Variants in ECM1 observed in about 807,000 individuals in gnomAD.
ECM1 encodes secretory component p85.
In ECM1, 54 loss-of-function variants were observed where a neutral mutation model predicts 57.9. The ratio of observed to expected loss-of-function variants is 0.93; its 90% CI spans 0.75 to 1.17. The LOEUF is 1.17. ECM1 is among the 50% of genes most tolerant of loss of function. The probability of loss-of-function intolerance (pLI) is 0.00; values close to 1 mark genes in which losing one functional copy is unlikely to be tolerated. For missense variants in ECM1, 649 were observed against 688.1 expected (o/e 0.94, Z 0.64); for synonymous variants, 237 against 259.1 (o/e 0.91, Z 0.82).
intron 1 of ECM1, 113 bp downstream of exon 1, chr1:150,508,392 C>T: frequency 1.8e-6 from 2 of 1,118,044 alleles, no homozygotes; most frequent in African/African-American, 1.5e-5. Flanking sequence ...TTTGGCTTTC[C>T]TTTTCTGAGC....
chr1:150,509,561 G>A lies in ECM1; in HGVS notation c.101G>A (p.Arg34Lys). The A allele has an allele frequency of 6.2e-7, 1 of 1,614,168 alleles. No homozygotes were observed. The highest frequency in any genetic ancestry group is 8.5e-7 in the Non-Finnish European group (1 of 1,180,024). Residue 34 changes from arginine to lysine, a missense_variant, in exon 2 of 10, where the codon AGG becomes AAG. Arg to Lys is a conservative substitution (Grantham distance 26, BLOSUM62 2). Transcript: ENST00000369047. ...GFTATGQRQLRPEHFQEVGYA... is the reference protein window; with the variant it reads ...GFTATGQRQLKPEHFQEVGYA... Reference sequence around the variant, plus strand: ...ACGGCTACAGGACAGAGGCAGCTGAGGCCAGAGCACTTTCAAGAAGGTAAG... The same window carrying A: ...ACGGCTACAGGACAGAGGCAGCTGAAGCCAGAGCACTTTCAAGAAGGTAAG...
rs867426247 is a variant in ECM1 at position 150,513,289 on chromosome 1, ACCCTG to A, written c.1450_1454del (p.Ala484LeufsTer9). 3.1e-6 allele frequency: 5 copies of A among 1,613,984 alleles called. No homozygotes were observed. Among genetic ancestry groups the A allele is most frequent in the Non-Finnish European group, 4.2e-6 (5 of 1,180,022 alleles). On this transcript the variant is annotated frameshift_variant, in exon 10 of 10. Transcript: ENST00000369047. LOFTEE classifies it high-confidence loss of function. ...GGTCCCCGACGTAACATCTGGCGAGACCCTGCCCTCTGCTGTTACCTGAGTCCTGG... is the reference window on the plus strand; with the variant it reads ...GGTCCCCGACGTAACATCTGGCGAGACCCTCTGCTGTTACCTGAGTCCTGG...
intron 1 of ECM1, among the ~76,000 whole-genome samples, chr1:150,508,838 A>G (rs1392839457): frequency 2.0e-5 from 3 of 152,092 alleles, no homozygotes; most frequent in African/African-American, 4.8e-5. Context: ...CACCCAGGGC[A>G]CTCCTGCAGG....
chr1:150,510,846 C>G lies in ECM1; in HGVS notation c.386-30C>G, dbSNP rs1003372230. On this transcript the variant is annotated intron_variant, in intron 5 of 9. Transcript: ENST00000369047. ...AGCCTTTGTGGGTTCCTTCACATGT[C>G]CCCGCTTCCCACTGTTTTCCCCATT... The G allele has an allele frequency of 1.9e-6, 3 of 1,611,144 alleles. No individual in the cohort carries two copies. In the African/African-American group the frequency reaches 4.0e-5, roughly 22 times the overall value.
intron 8 of ECM1, 51 bp from the exon 9 acceptor site, chr1:150,512,674 G>A (rs376946153): frequency 3.7e-6 from 6 of 1,610,636 alleles, no homozygotes; most frequent in Admixed American, 1.7e-5. Flanking sequence ...CCCATCTGAT[G>A]CCAGAAGATG....
intron 9 of ECM1, 136 bp from the exon 10 acceptor site, chr1:150,513,101 C>T: frequency 2.1e-6 from 2 of 957,142 alleles, no homozygotes; most frequent in East Asian, 5.1e-5. Flanking sequence ...CTTGTACTCT[C>T]TCTGGGCCCC....
intron 1 of ECM1, chr1:150,509,304 AG>A: frequency 1.6e-6 from 1 of 616,036 alleles, no homozygotes; most frequent in Non-Finnish European, 2.9e-6. Flanking sequence ...GAGCCAGTAG[AG>A]GTGGAGCTAT....
chr1:150,512,627 G>C, intron 8 of ECM1, 55 bp downstream of exon 8: 1 of 1,612,892 alleles, frequency 6.2e-7, no homozygotes, highest in Non-Finnish European at 8.5e-7. Flanking sequence ...TTCCTTTTGG[G>C]ACACCTTTGG....
Position 150,513,114 on chromosome 1 carries a change from G to C in ECM1, c.1393-123G>C, listed in dbSNP as rs587649596. The C allele has an allele frequency of 1.9e-5, 20 of 1,038,714 alleles. No homozygotes were observed. The African/African-American group carries it at 2.7e-4, about 14-fold the overall frequency. 64.3% of individuals were successfully genotyped at this position (1,038,714 alleles called of 1,614,324 possible). On this transcript the variant is annotated intron_variant, in intron 9 of 9. Transcript: ENST00000369047. ...GTCTTGTACTCTCTCTGGGCCCCAG[G>C]AGGGGAACGAGGGAGAGAGCAGTAG...
At chr1:150,509,846 G>A (rs1266461953) in intron 3 of ECM1, 76 bp from the exon 4 acceptor site, 2 of 1,613,844 alleles carry the variant, frequency 1.2e-6, no homozygotes, top group Non-Finnish European at 1.7e-6. Flanking sequence ...TGGAAAGGAG[G>A]GAAGAGGCCC....
In ECM1 at chr1:150,508,233, C is replaced by A; in HGVS notation, c.24C>A (p.Ala8=). ...GGATGGGGACCACAGCCAGAGCAGC[C>A]TTGGTCTTGACCTATTTGGCTGTTG... The part of the protein sequence containing the change: MGTTARA[A]LVLTYLAVAS... The change falls in exon 1 of 10, where the codon GCC becomes GCA. Residue 8 remains alanine, a synonymous_variant. Coordinates refer to ENST00000369047, the MANE Select transcript of ECM1 (RefSeq NM_004425.4). 1 of 1,614,106 alleles carries A rather than the reference C, an allele frequency of 6.2e-7. No homozygotes were observed. The highest frequency in any genetic ancestry group is 8.5e-7 in the Non-Finnish European group (1 of 1,180,022).
intron 7 of ECM1, 115 bp downstream of exon 7, chr1:150,511,946 C>G: frequency 7.3e-7 from 1 of 1,364,088 alleles, no homozygotes; most frequent in Non-Finnish European, 9.8e-7. Context: ...TGCGTCCACC[C>G]GTTCATCTGC....
chr1:150,513,586 C>A lies in ECM1; in HGVS notation c.*119C>A. On this transcript the variant is annotated 3_prime_UTR_variant, in exon 10 of 10. Coordinates refer to ENST00000369047, the MANE Select transcript of ECM1 (RefSeq NM_004425.4). ...TGTCCTCATTGTCTATCTAATGTCT[C>A]ACCCGCAGTGTTTTAAGTGGATCTT... The A allele has an allele frequency of 2.0e-6, 2 of 1,008,900 alleles. No individual in the cohort carries two copies. Among genetic ancestry groups the A allele is most frequent in the Non-Finnish European group, 2.9e-6 (2 of 691,872 alleles). 62.5% of individuals were successfully genotyped at this position (1,008,900 alleles called of 1,614,324 possible). A position where few individuals can be genotyped will look rare whatever the true frequency, so the allele number is the denominator to read the frequency against.
At chr1:150,508,821 A>G (rs1409749355) in intron 1 of ECM1, among the ~76,000 whole-genome samples, 1 of 152,138 alleles carries the variant, frequency 6.6e-6, no homozygotes, top group Admixed American at 6.5e-5. Flanking sequence ...AAGAAAAGGA[A>G]AAAAACCACC....
chr1:150,511,611 A>G lies in ECM1; in HGVS notation c.863A>G (p.Gln288Arg), dbSNP rs747875899. 9.3e-6 allele frequency: 15 copies of G among 1,614,160 alleles called. No homozygotes were observed. The highest frequency in any genetic ancestry group is 1.3e-5 in the Non-Finnish European group (15 of 1,180,018). Reference protein sequence around the residue: ...HYQLRACPSHQPDISSGLELP... With the variant: ...HYQLRACPSHRPDISSGLELP... ...CAGCTCCGGGCCTGCCCCAGCCATC[A>G]GCCTGATATTTCCTCGGGTCTTGAG... The change falls in exon 7 of 10, where the codon CAG (glutamine) becomes CGG (arginine). Residue 288 changes from glutamine to arginine, a missense_variant. Coordinates refer to ENST00000369047, the MANE Select transcript of ECM1 (RefSeq NM_004425.4).
intron 9 of ECM1, 41 bp from the exon 10 acceptor site, chr1:150,513,196 C>T (rs766689318): frequency 3.7e-6 from 6 of 1,603,158 alleles, no homozygotes; most frequent in Non-Finnish European, 5.1e-6. Flanking sequence ...CTTGGACCAC[C>T]TCCCCACCCC....
chr1:150,508,829 AC>A (rs1169989701), intron 1 of ECM1, among the ~76,000 whole-genome samples: 2 of 152,126 alleles, frequency 1.3e-5, no homozygotes, highest in East Asian at 3.9e-4. Flanking sequence ...GAAAAAAACC[AC>A]CCAGGGCACT....
intron 5 of ECM1, 199 bp downstream of exon 5, chr1:150,510,381 T>G: frequency 3.2e-6 from 2 of 622,110 alleles, no homozygotes; most frequent in Non-Finnish European, 5.7e-6. Context: ...TGTGATTAGA[T>G]GTGCAAAAAT....
In ECM1 at chr1:150,511,182, A is replaced by T; in HGVS notation, c.692A>T (p.Glu231Val). 2.5e-6 allele frequency: 4 copies of T among 1,614,150 alleles called. No individual in the cohort carries two copies. Among genetic ancestry groups the T allele is most frequent in the Non-Finnish European group, 3.4e-6 (4 of 1,180,032 alleles). ...CHCRSHTNRL[E>V]CAKLVWEEAM... Reference sequence around the variant, plus strand: ...TGCCGCAGCCACACAAACCGCCTAGAGTGTGCCAAACTTGTGGTAAGGTTG... The same window carrying T: ...TGCCGCAGCCACACAAACCGCCTAGTGTGTGCCAAACTTGTGGTAAGGTTG... Residue 231 changes from glutamate (E) to valine (V), a missense_variant, in exon 6 of 10, where the codon GAG (glutamate) becomes GTG (valine). By Grantham distance (121) the Glu-to-Val change is moderately radical (BLOSUM62 -2). Coordinates refer to ENST00000369047, the MANE Select transcript of ECM1 (RefSeq NM_004425.4).
Sources: gnomAD v4.1 joint callset for allele counts (sites outside exome capture counted in the v4.1 genomes callset) on GRCh38, gnomAD v4.1.1 for gene constraint, MANE v1.5 for transcripts, NCBI Gene and HGNC (gene_info 2026-07-23, HGNC 2026-07-21) for gene names.